Variants in FAM204A observed in about 807,000 individuals in gnomAD.
FAM204A encodes family with sequence similarity 204 member A.
FAM204A carries 16 observed loss-of-function variants against 35.4 expected under a neutral mutation model. The ratio of observed to expected loss-of-function variants is 0.45; its 90% CI spans 0.31 to 0.69. The LOEUF is 0.69. Among genes scored for constraint, FAM204A ranks in the 30% least tolerant of loss-of-function variants. The probability of loss-of-function intolerance (pLI) is 0.07; values close to 1 mark genes in which losing one functional copy is unlikely to be tolerated. For missense variants in FAM204A, 240 were observed against 265.7 expected (o/e 0.90, Z 0.67); for synonymous variants, 76 against 86.9 (o/e 0.88, Z 0.70).
chr10:118,333,178 G>A (rs1253864055), intron 6 of FAM204A, among the ~76,000 whole-genome samples: 1 of 152,084 alleles, frequency 6.6e-6, no homozygotes, highest in Non-Finnish European at 1.5e-5. Context: ...AAAGAAAAAG[G>A]GGAGGAAAAA....
chr10:118,308,517 T>A lies in FAM204A; in HGVS notation c.*2340A>T, dbSNP rs1196715241. 6.6e-6 allele frequency: 1 copy of A among 152,180 alleles called. No homozygotes were observed. Among genetic ancestry groups the A allele is most frequent in the Non-Finnish European group, 1.5e-5 (1 of 68,040 alleles). 9.4% of individuals were successfully genotyped at this position (152,180 alleles called of 1,614,324 possible). ...AGCAGGGCCAATCCAAGACAACCTG[T>A]CCCCACAAATCTTCCCTCCAACCCC... On this transcript the variant is annotated 3_prime_UTR_variant, in exon 9 of 9. Transcript: ENST00000369183.
intron 6 of FAM204A, among the ~76,000 whole-genome samples, chr10:118,329,755 C>A (rs1200035511): frequency 6.6e-6 from 1 of 152,140 alleles, no homozygotes; most frequent in Admixed American, 6.5e-5. Context: ...AGCCCAGTTC[C>A]TTCTACATAG....
chr10:118,312,282 C>T (rs1251392079), intron 7 of FAM204A, among the ~76,000 whole-genome samples: 1 of 152,152 alleles, frequency 6.6e-6, no homozygotes, highest in African/African-American at 2.4e-5. Context: ...CTTGTACTCA[C>T]CTGATGCATA....
rs1337685633 is a variant in FAM204A at position 118,307,478 on chromosome 10, T to A, written c.*3379A>T. The A allele has an allele frequency of 2.0e-5, 3 of 152,218 alleles. No individual in the cohort carries two copies. Among genetic ancestry groups the A allele is most frequent in the African/African-American group, 7.2e-5 (3 of 41,462 alleles). The allele number at this position is 152,218 out of a possible 1,614,324, so 9.4% of individuals were successfully genotyped here. A position where few individuals can be genotyped will look rare whatever the true frequency, so the allele number is the denominator to read the frequency against. ...AATGGAAAACTTGGATTCAGTTGGTTCTGGATTAGACTAGGTTTCACTAAC... is the reference window on the plus strand; with the variant it reads ...AATGGAAAACTTGGATTCAGTTGGTACTGGATTAGACTAGGTTTCACTAAC... On this transcript the variant is annotated 3_prime_UTR_variant, in exon 9 of 9. Transcript: ENST00000369183.
chr10:118,313,545 C>T (rs1845985186), intron 7 of FAM204A, among the ~76,000 whole-genome samples: 1 of 152,168 alleles, frequency 6.6e-6, no homozygotes, highest in African/African-American at 2.4e-5. Context: ...TAAATCATAG[C>T]TGGCTACTTG....
Position 118,309,672 on chromosome 10 carries a change from CCT to C in FAM204A, c.*1183_*1184del. 1 of 152,282 alleles carries C rather than the reference CCT, an allele frequency of 6.6e-6. No individual in the cohort carries two copies. Among genetic ancestry groups the C allele is most frequent in the South Asian group, 2.1e-4 (1 of 4,828 alleles). The allele number at this position is 152,282 out of a possible 1,614,324, so 9.4% of individuals were successfully genotyped here. On this transcript the variant is annotated 3_prime_UTR_variant, in exon 9 of 9. Transcript: ENST00000369183. ...GAAAACGATTTCCCATGTTACCAATCCTCTCTTTCTGCTCATTAATTCATTCA... is the reference window on the plus strand; with the variant it reads ...GAAAACGATTTCCCATGTTACCAATCCTCTTTCTGCTCATTAATTCATTCA...
chr10:118,321,870 A>G (rs906271954), intron 7 of FAM204A, among the ~76,000 whole-genome samples: 1 of 152,124 alleles, frequency 6.6e-6, no homozygotes, highest in Admixed American at 6.5e-5. Flanking sequence ...GTAGCGAGGT[A>G]GACAAGGACA....
chr10:118,340,201 G>GA (rs1846453234), intron 2 of FAM204A, among the ~76,000 whole-genome samples: 1 of 151,978 alleles, frequency 6.6e-6, no homozygotes, highest in Admixed American at 6.6e-5. Context: ...ATTTTTATCA[G>GA]AAAAAAACAT....
Position 118,335,623 on chromosome 10 carries a change from T to A in FAM204A, c.253A>T (p.Lys85Ter). The change falls in exon 4 of 9, where the codon AAA (lysine) becomes TAA (stop). Residue 85 changes from lysine to a stop codon, truncating the protein, a stop_gained. Coordinates refer to ENST00000369183, the MANE Select transcript of FAM204A (RefSeq NM_022063.3). LOFTEE classifies it high-confidence loss of function. ...GTGCTTTTCTGTTCAGAATGTTTTTTATGCAATTCTTGAAATTTCTATGTA... is the reference window on the plus strand; with the variant it reads ...GTGCTTTTCTGTTCAGAATGTTTTTAATGCAATTCTTGAAATTTCTATGTA... ...DMWNKFQELHKKHSEQKSTTS... is the reference protein window; with the variant it reads ...DMWNKFQELH The A allele has an allele frequency of 6.2e-7, 1 of 1,605,564 alleles. No individual in the cohort carries two copies. The highest frequency in any genetic ancestry group is 1.3e-5 in the African/African-American group (1 of 74,496).
chr10:118,333,193 A>C (rs1188643600), intron 6 of FAM204A, among the ~76,000 whole-genome samples: 1 of 152,210 alleles, frequency 6.6e-6, no homozygotes, highest in Non-Finnish European at 1.5e-5. Flanking sequence ...GAAAAAAAAG[A>C]CTGCACGATA....
At chr10:118,330,697 C>T (rs1366301083) in intron 6 of FAM204A, among the ~76,000 whole-genome samples, 1 of 152,200 alleles carries the variant, frequency 6.6e-6, no homozygotes, top group African/African-American at 2.4e-5. Flanking sequence ...TACACCCAAA[C>T]TTTGTTTCCA....
At chr10:118,342,114 G>A (rs1173569848) in intron 1 of FAM204A, 156 bp downstream of exon 1, 3 of 152,326 alleles carry the variant, frequency 2.0e-5, no homozygotes, top group Non-Finnish European at 4.4e-5. Context: ...CGCGGCCCCG[G>A]GCCGGGGGCT....
chr10:118,310,312 A>G lies in FAM204A; in HGVS notation c.*545T>C, dbSNP rs1845928915. ...AACACAGCAAAACTCTGTCTCTACTAAAAATACAAAAAAAAAAAAAAAATT... is the reference window on the plus strand; with the variant it reads ...AACACAGCAAAACTCTGTCTCTACTGAAAATACAAAAAAAAAAAAAAAATT... On this transcript the variant is annotated 3_prime_UTR_variant, in exon 9 of 9. Transcript: ENST00000369183. The G allele has an allele frequency of 6.6e-6, 1 of 151,558 alleles. No homozygotes were observed. The highest frequency in any genetic ancestry group is 2.4e-5 in the African/African-American group (1 of 41,076). The allele number at this position is 151,558 out of a possible 1,614,324, so 9.4% of individuals were successfully genotyped here. A position where few individuals can be genotyped will look rare whatever the true frequency, so the allele number is the denominator to read the frequency against.
intron 7 of FAM204A, among the ~76,000 whole-genome samples, chr10:118,317,450 TA>T (rs1305489111): frequency 6.6e-6 from 1 of 151,898 alleles, no homozygotes; most frequent in African/African-American, 2.4e-5. Flanking sequence ...TAAACATAAT[TA>T]AAAGAGAGCA....
chr10:118,330,233 C>T (rs1050508653), intron 6 of FAM204A, among the ~76,000 whole-genome samples: 1 of 152,152 alleles, frequency 6.6e-6, no homozygotes, highest in African/African-American at 2.4e-5. Flanking sequence ...TAATATCAAA[C>T]TACAAGTTTC....
intron 7 of FAM204A, among the ~76,000 whole-genome samples, chr10:118,318,912 T>C (rs1846070866): frequency 1.3e-5 from 2 of 151,678 alleles, no homozygotes; most frequent in Admixed American, 6.6e-5. Flanking sequence ...CAAAATTGTA[T>C]TATTTGGGAA....
intron 7 of FAM204A, among the ~76,000 whole-genome samples, chr10:118,321,973 A>G (rs1018930915): frequency 1.3e-5 from 2 of 152,106 alleles, no homozygotes; most frequent in South Asian, 2.1e-4. Flanking sequence ...CCAAGTCCCA[A>G]TTGTCCAGAT....
At position 118,335,677 on chromosome 10, in the gene FAM204A, A is replaced by G. The variant is rs141038543; in HGVS notation, c.235-36T>C. On this transcript the variant is annotated intron_variant, in intron 3 of 8. Coordinates refer to ENST00000369183, the MANE Select transcript of FAM204A (RefSeq NM_022063.3). ...GAAAAAAAAATTGAGAAGCAAATAT[A>G]CTTTCCAGAAAAACATGCATTTAAA... 7.6e-6 allele frequency: 11 copies of G among 1,447,958 alleles called. No homozygotes were observed. The African/African-American group carries it at 1.6e-4, about 21-fold the overall frequency. The allele number at this position is 1,447,958 out of a possible 1,614,324, so 89.7% of individuals were successfully genotyped here. A position where few individuals can be genotyped will look rare whatever the true frequency, so the allele number is the denominator to read the frequency against.
Position 118,302,510 on chromosome 10 carries a change from C to T in FAM204A, c.*8347G>A, listed in dbSNP as rs915559160. ...ATATGAATTTCATAAAAATGTTTTCCAAGGTGCACAGAAACATCTGAGGAC... is the reference window on the plus strand; with the variant it reads ...ATATGAATTTCATAAAAATGTTTTCTAAGGTGCACAGAAACATCTGAGGAC... On this transcript the variant is annotated 3_prime_UTR_variant, in exon 9 of 9. Coordinates refer to ENST00000369183, the MANE Select transcript of FAM204A (RefSeq NM_022063.3). 2 of 152,172 alleles carry T rather than the reference C, an allele frequency of 1.3e-5. No homozygotes were observed. The highest frequency in any genetic ancestry group is 2.9e-5 in the Non-Finnish European group (2 of 68,034). 9.4% of individuals were successfully genotyped at this position (152,172 alleles called of 1,614,324 possible).
Sources: gnomAD v4.1 joint callset for allele counts (sites outside exome capture counted in the v4.1 genomes callset) on GRCh38, gnomAD v4.1.1 for gene constraint, MANE v1.5 for transcripts, NCBI Gene and HGNC (gene_info 2026-07-23, HGNC 2026-07-21) for gene names.